UGGT2: variants seen among roughly 807,000 people sequenced by gnomAD.
The protein encoded by UGGT2 is UDP-glucose glycoprotein glucosyltransferase 2.
UGGT2 carries 180 observed loss-of-function variants against 192.1 expected under a neutral mutation model. The observed-to-expected ratio is 0.94, with a 90% CI of 0.83 to 1.06. The LOEUF is 1.06. Ranked by LOEUF, UGGT2 falls within the 50% of genes least tolerant of loss-of-function variation. UGGT2 has a pLI of 0.00. For synonymous variants in UGGT2, 580 were observed against 591.0 expected (o/e 0.98, Z 0.27); for missense variants, 1,849 against 1,795.7 (o/e 1.03, Z -0.54).
intron 4 of UGGT2, among the ~76,000 whole-genome samples, chr13:96,013,892 T>C (rs920215322): frequency 6.6e-6 from 1 of 152,296 alleles, no homozygotes; most frequent in Admixed American, 6.5e-5. Flanking sequence ...GTACTTAGTA[T>C]GAACAAGTAC....
chr13:96,016,564 C>G (rs1414344417), intron 4 of UGGT2, among the ~76,000 whole-genome samples: 1 of 152,200 alleles, frequency 6.6e-6, no homozygotes, highest in African/African-American at 2.4e-5. Context: ...TATACATGGT[C>G]TCATGTCTGC....
At chr13:96,019,072 C>G (rs1187025784) in intron 4 of UGGT2, among the ~76,000 whole-genome samples, 7 of 123,234 alleles carry the variant, frequency 5.7e-5, no homozygotes, top group Non-Finnish European at 9.4e-5. Flanking sequence ...AGAGTATATG[C>G]CTGAAGTTCA....
In UGGT2 at chr13:95,927,101, A is replaced by G; in HGVS notation, c.2127T>C (p.Ser709=). Residue 709 remains serine, a synonymous_variant, in exon 19 of 39, where the codon TCT becomes TCC. Coordinates refer to ENST00000376747, the MANE Select transcript of UGGT2 (RefSeq NM_020121.4). ...TSVTADVEDF[S]TFFFLDSQDK... is the part of the protein sequence containing the mutation. The stretch of plus-strand genomic sequence containing the variant: ...CTTGTGAATCCAAGAAAAAGAAAGT[A>G]GAGAAATCTTCAACATCAGCAGTTA... 6.2e-7 allele frequency: 1 copy of G among 1,611,668 alleles called. No homozygotes were observed. Among genetic ancestry groups the G allele is most frequent in the Non-Finnish European group, 8.5e-7 (1 of 1,179,314 alleles).
At chr13:95,901,359 G>C (rs2048099762) in intron 21 of UGGT2, among the ~76,000 whole-genome samples, 1 of 151,992 alleles carries the variant, frequency 6.6e-6, no homozygotes, top group African/African-American at 2.4e-5. Context: ...AATCCCAGAA[G>C]ACCAGTTTAG....
chr13:96,044,082 A>G (rs1173528471), intron 1 of UGGT2, among the ~76,000 whole-genome samples: 2 of 152,180 alleles, frequency 1.3e-5, no homozygotes, highest in East Asian at 1.9e-4. Context: ...TCATCAGTGC[A>G]TGAAACTTTT....
chr13:95,960,499 G>GT (rs1231650269), intron 12 of UGGT2, among the ~76,000 whole-genome samples: 1 of 151,836 alleles, frequency 6.6e-6, no homozygotes, highest in Non-Finnish European at 1.5e-5. Context: ...AAATATCCCA[G>GT]TCAAATAAAA....
At chr13:95,895,079 C>G in intron 23 of UGGT2, 101 bp downstream of exon 23, 1 of 1,201,128 alleles carries the variant, frequency 8.3e-7, no homozygotes, top group East Asian at 2.8e-5. Flanking sequence ...TTTTATTATA[C>G]CTTTACTTGT....
chr13:95,934,373 T>C (rs1399605594), intron 17 of UGGT2, among the ~76,000 whole-genome samples: 2 of 152,230 alleles, frequency 1.3e-5, no homozygotes, highest in Admixed American at 6.5e-5. Context: ...AGATGTCTAT[T>C]AGGTCTAACT....
At chr13:95,864,073 T>C (rs1890416023) in intron 30 of UGGT2, among the ~76,000 whole-genome samples, 1 of 152,204 alleles carries the variant, frequency 6.6e-6, no homozygotes, top group South Asian at 2.1e-4. Context: ...CGTTATCCCT[T>C]CCCTTTCCCT....
intron 29 of UGGT2, chr13:95,876,851 A>G (rs1274120759): frequency 8.0e-6 from 1 of 125,458 alleles, no homozygotes; most frequent in African/African-American, 3.0e-5. Context: ...CCTCTTGCTG[A>G]TGTTCAGACC....
intron 36 of UGGT2, among the ~76,000 whole-genome samples, chr13:95,841,259 G>A (rs1387580893): frequency 6.6e-6 from 1 of 152,124 alleles, no homozygotes; most frequent in African/African-American, 2.4e-5. Flanking sequence ...ATGCTTAAAT[G>A]TCTATTTACA....
At chr13:95,904,167 T>C (rs1051332200) in intron 20 of UGGT2, among the ~76,000 whole-genome samples, 5 of 152,168 alleles carry the variant, frequency 3.3e-5, no homozygotes, top group Non-Finnish European at 7.4e-5. Context: ...TGATGTGTTA[T>C]AATGGGAAGC....
At chr13:95,890,522 C>A (rs1029458880) in intron 25 of UGGT2, among the ~76,000 whole-genome samples, 7 of 152,132 alleles carry the variant, frequency 4.6e-5, no homozygotes, top group African/African-American at 1.2e-4. Flanking sequence ...AGGGTCTCAC[C>A]CATATAACCT....
At chr13:95,897,803 G>C (rs2047989589) in intron 22 of UGGT2, among the ~76,000 whole-genome samples, 1 of 152,084 alleles carries the variant, frequency 6.6e-6, no homozygotes, top group Non-Finnish European at 1.5e-5. Flanking sequence ...TTTTCCATTA[G>C]TCAACAGAAA....
At chr13:95,846,160 C>T (rs958178761) in intron 36 of UGGT2, among the ~76,000 whole-genome samples, 2 of 152,292 alleles carry the variant, frequency 1.3e-5, no homozygotes, top group African/African-American at 2.4e-5. Context: ...AACGAGACTC[C>T]GTGTGCAATC....
chr13:95,895,262 A>T lies in UGGT2; in HGVS notation c.2677T>A (p.Tyr893Asn). ...LDEDFYAEDFYLLEKITFSNL... is the reference protein window; with the variant it reads ...LDEDFYAEDFNLLEKITFSNL... The stretch of plus-strand genomic sequence containing the variant: ...CTAAATGTTATCTTTTCCAACAAGT[A>T]AAAATCTTCTGCATAAAAATCTTCA... The change falls in exon 23 of 39, where the codon TAC becomes AAC. Residue 893 changes from tyrosine to asparagine, a missense_variant. Transcript: ENST00000376747. The T allele has an allele frequency of 6.4e-7, 1 of 1,551,972 alleles. No homozygotes were observed. The highest frequency in any genetic ancestry group is 2.3e-5 in the East Asian group (1 of 43,452).
intron 12 of UGGT2, among the ~76,000 whole-genome samples, chr13:95,959,696 T>C (rs756170175): frequency 5.3e-5 from 8 of 152,142 alleles, no homozygotes; most frequent in African/African-American, 1.4e-4. Context: ...TCCTAGAGAA[T>C]TGTCCCGCCA....
At chr13:95,861,435 T>G (rs1316601221) in intron 31 of UGGT2, among the ~76,000 whole-genome samples, 1 of 152,116 alleles carries the variant, frequency 6.6e-6, no homozygotes, top group Admixed American at 6.6e-5. Context: ...ATGACTTCCA[T>G]GACAAAGAAA....
chr13:95,916,159 T>A (rs937716379), intron 20 of UGGT2, among the ~76,000 whole-genome samples: 1 of 152,128 alleles, frequency 6.6e-6, no homozygotes, highest in Non-Finnish European at 1.5e-5. Flanking sequence ...GGGCTGGCAA[T>A]AGGTCTGTAC....
Sources: gnomAD v4.1 joint callset for allele counts (sites outside exome capture counted in the v4.1 genomes callset) on GRCh38, gnomAD v4.1.1 for gene constraint, MANE v1.5 for transcripts, NCBI Gene and HGNC (gene_info 2026-07-23, HGNC 2026-07-21) for gene names.